SPPL2A: variants seen among roughly 807,000 people sequenced by gnomAD.
The protein encoded by SPPL2A is signal peptide peptidase-like 2A.
In SPPL2A, 51 loss-of-function variants were observed where a neutral mutation model predicts 63.8. That is an observed-to-expected ratio of 0.80 (90% CI 0.64 to 1.01). The LOEUF (loss-of-function observed/expected upper bound fraction) is 1.01, where lower values mean the gene tolerates loss of function less well. Ranked by LOEUF, SPPL2A falls within the 50% of genes least tolerant of loss-of-function variation. The probability of loss-of-function intolerance (pLI) is 0.00; values close to 1 mark genes in which losing one functional copy is unlikely to be tolerated. For missense variants in SPPL2A, 553 were observed against 622.7 expected (o/e 0.89, Z 1.19); for synonymous variants, 188 against 205.8 (o/e 0.91, Z 0.74).
chr15:50,707,619 A>G lies in SPPL2A; in HGVS notation c.*181T>C. 1 of 552,564 alleles carries G rather than the reference A, an allele frequency of 1.8e-6. No individual in the cohort carries two copies. The highest frequency in any genetic ancestry group is 3.2e-6 in the Non-Finnish European group (1 of 311,354). 34.2% of individuals were successfully genotyped at this position (552,564 alleles called of 1,614,324 possible). On this transcript the variant is annotated 3_prime_UTR_variant, in exon 15 of 15. Coordinates refer to ENST00000261854, the MANE Select transcript of SPPL2A (RefSeq NM_032802.4). ...TTATTTAATGTGAAGGCACAACTTT[A>G]ACATTAAAAGCAAAGCGTTTTAGTT...
chr15:50,710,711 G>A (rs1342331090), intron 14 of SPPL2A, among the ~76,000 whole-genome samples: 1 of 152,152 alleles, frequency 6.6e-6, no homozygotes, highest in African/African-American at 2.4e-5. Flanking sequence ...CAGGGTAACT[G>A]GAGACTTGCT....
At chr15:50,711,323 C>A (rs1314124664) in intron 14 of SPPL2A, among the ~76,000 whole-genome samples, 1 of 151,824 alleles carries the variant, frequency 6.6e-6, no homozygotes, top group Non-Finnish European at 1.5e-5. Context: ...AATTCTCCCC[C>A]CTCAGCCTCC....
chr15:50,731,138 T>G (rs113284881), intron 9 of SPPL2A, 99 bp from the exon 10 acceptor site: 1 of 570,708 alleles, frequency 1.8e-6, no homozygotes. Context: ...GAATATACAT[T>G]TAAATATTAC....
At chr15:50,730,501 A>G (rs577297427) in intron 10 of SPPL2A, among the ~76,000 whole-genome samples, 34 of 152,148 alleles carry the variant, frequency 2.2e-4, no homozygotes, top group Admixed American at 2.0e-3. Context: ...GAGGTGGAAG[A>G]TGAATAGCTA....
In SPPL2A at chr15:50,752,020, G is replaced by A. The variant is rs188687600; in HGVS notation, c.67-2274C>T. The stretch of plus-strand genomic sequence containing the variant: ...TAATTTTTTGTATTTTAGTAGAGAC[G>A]GGGTTTTGTCACGCTGGCCAGGCTG... On this transcript the variant is annotated intron_variant, in intron 1 of 14. Coordinates refer to ENST00000261854, the MANE Select transcript of SPPL2A (RefSeq NM_032802.4). 3.2e-3 allele frequency among the ~76,000 whole-genome samples: 489 copies of A among 151,954 alleles called. 10 individuals are homozygous for A. The highest frequency in any genetic ancestry group is 3.1e-4 in the Non-Finnish European group (21 of 67,974).
intron 14 of SPPL2A, among the ~76,000 whole-genome samples, chr15:50,717,254 A>C (rs764610947): frequency 5.3e-5 from 8 of 152,062 alleles, no homozygotes; most frequent in Non-Finnish European, 1.2e-4. Context: ...GGCCCACTGA[A>C]GCCCCTATCT....
At chr15:50,743,553 C>T (rs938880232) in intron 5 of SPPL2A, among the ~76,000 whole-genome samples, 1 of 151,924 alleles carries the variant, frequency 6.6e-6, no homozygotes, top group Non-Finnish European at 1.5e-5. Flanking sequence ...CACTATGCTG[C>T]CCAGGCTGGT....
intron 9 of SPPL2A, 138 bp downstream of exon 9, chr15:50,732,465 T>C: frequency 3.4e-6 from 2 of 595,710 alleles, no homozygotes; most frequent in Non-Finnish European, 6.0e-6. Flanking sequence ...GGATAGTGGT[T>C]ATAAAGTTAC....
chr15:50,730,496 G>A (rs556526855), intron 10 of SPPL2A, among the ~76,000 whole-genome samples: 1 of 152,100 alleles, frequency 6.6e-6, no homozygotes, highest in East Asian at 1.9e-4. Flanking sequence ...TGATGGAGGT[G>A]GAAGATGAAT....
In SPPL2A at chr15:50,705,338, T is replaced by TA; in HGVS notation, c.*2461_*2462insT. On this transcript the variant is annotated 3_prime_UTR_variant, in exon 15 of 15. Transcript: ENST00000261854. Reference sequence around the variant, plus strand: ...CTGGGTGACAGAGGGAGACTCCATTTCCAAAAAAAAAAAAAAGAAATTAAT... The same window carrying TA: ...CTGGGTGACAGAGGGAGACTCCATTTACCAAAAAAAAAAAAAAGAAATTAAT... 9.7e-6 allele frequency: 1 copy of TA among 102,600 alleles called. No homozygotes were observed. The highest frequency in any genetic ancestry group is 3.0e-4 in the East Asian group (1 of 3,316). 6.4% of individuals were successfully genotyped at this position (102,600 alleles called of 1,614,324 possible). A position where few individuals can be genotyped will look rare whatever the true frequency, so the allele number is the denominator to read the frequency against.
intron 14 of SPPL2A, among the ~76,000 whole-genome samples, chr15:50,719,192 A>G (rs569946916): frequency 6.6e-6 from 1 of 152,364 alleles, no homozygotes; most frequent in Non-Finnish European, 1.5e-5. Context: ...TGATTCACTT[A>G]AATCTCAAAT....
At chr15:50,737,928 T>C (rs896904673) in intron 6 of SPPL2A, among the ~76,000 whole-genome samples, 2 of 151,720 alleles carry the variant, frequency 1.3e-5, no homozygotes, top group South Asian at 2.1e-4. Context: ...AAAAATTAGC[T>C]GGGGGTGGTG....
Position 50,705,354 on chromosome 15 carries a change from A to T in SPPL2A, c.*2446T>A, listed in dbSNP as rs2062500280. ...GACTCCATTTCCAAAAAAAAAAAAA[A>T]GAAATTAATTATCTCATTTCGATGT... On this transcript the variant is annotated 3_prime_UTR_variant, in exon 15 of 15. Coordinates refer to ENST00000261854, the MANE Select transcript of SPPL2A (RefSeq NM_032802.4). 6.7e-6 allele frequency: 1 copy of T among 149,702 alleles called. No individual in the cohort carries two copies. Among genetic ancestry groups the T allele is most frequent in the Non-Finnish European group, 1.5e-5 (1 of 67,342 alleles). 9.3% of individuals were successfully genotyped at this position (149,702 alleles called of 1,614,324 possible).
intron 5 of SPPL2A, 111 bp downstream of exon 5, chr15:50,747,376 GGGCTTACT>G (rs1395087221): frequency 1.2e-6 from 1 of 802,352 alleles, no homozygotes; most frequent in African/African-American, 1.8e-5. Flanking sequence ...CCTGCAGACT[GGGCTTACT>G]GGCATCATAT....
rs57100103 is a variant in SPPL2A, at chr15:50,757,089, C to CTTTTTTTTTTTTTTTTT, written c.67-7344_67-7343insAAAAAAAAAAAAAAAAA. On this transcript the variant is annotated intron_variant, in intron 1 of 14. Transcript: ENST00000261854. The stretch of plus-strand genomic sequence containing the variant: ...GTTCCTCCCACATCCTAAATCCTTT[C>CTTTTTTTTTTTTTTTTT]TTTTTTTTTTTGAGACAGAGTCTCA... Among the ~76,000 whole-genome samples the CTTTTTTTTTTTTTTTTT allele has an allele frequency of 2.9e-3, 377 of 128,170 alleles. 20 individuals are homozygous for CTTTTTTTTTTTTTTTTT. The highest frequency in any genetic ancestry group is 8.8e-3 in the Middle Eastern group (2 of 226). The allele number at this position is 128,170 out of a possible 152,430, so 84.1% of individuals were successfully genotyped here. A position where few individuals can be genotyped will look rare whatever the true frequency, so the allele number is the denominator to read the frequency against.
rs1318537368 is a variant in SPPL2A, at chr15:50,736,106, T to C, written c.927A>G (p.Glu309=). Reference sequence around the variant, plus strand: ...AATACATTGAGTATTCATACCTGTCTTCATTTCGAAACACAGCCCAAACAA... The same window carrying C: ...AATACATTGAGTATTCATACCTGTCCTCATTTCGAAACACAGCCCAAACAA... ...VAVVWAVFRN[E]DRWAWILQDI... Residue 309 remains glutamate, a synonymous_variant, in exon 8 of 15, where the codon GAA becomes GAG. Coordinates refer to ENST00000261854, the MANE Select transcript of SPPL2A (RefSeq NM_032802.4). The C allele has an allele frequency of 3.1e-6, 5 of 1,592,170 alleles. No homozygotes were observed. The African/African-American group carries it at 5.4e-5, about 17-fold the overall frequency.
chr15:50,759,774 T>C (rs908469459), intron 1 of SPPL2A, among the ~76,000 whole-genome samples: 2 of 151,938 alleles, frequency 1.3e-5, no homozygotes, highest in African/African-American at 4.8e-5. Flanking sequence ...AGAAAAATTA[T>C]TACTGCCTAA....
At chr15:50,734,845 A>C (rs2062757779) in intron 8 of SPPL2A, among the ~76,000 whole-genome samples, 2 of 152,226 alleles carry the variant, frequency 1.3e-5, no homozygotes, top group Non-Finnish European at 2.9e-5. Flanking sequence ...CTTTTTAAAA[A>C]GTATAGACTG....
intron 1 of SPPL2A, among the ~76,000 whole-genome samples, chr15:50,753,446 G>A (rs759076896): frequency 6.6e-6 from 1 of 152,126 alleles, no homozygotes; most frequent in Non-Finnish European, 1.5e-5. Context: ...CAATAGATAT[G>A]GTAGAAAGGT....
Sources: allele counts gnomAD v4.1 joint callset (sites outside exome capture counted in the v4.1 genomes callset), GRCh38; gene constraint gnomAD v4.1.1; transcripts MANE v1.5; gene names NCBI Gene and HGNC (gene_info 2026-07-23, HGNC 2026-07-21).